Variants in LRRTM3 observed in about 807,000 individuals in gnomAD.
LRRTM3 encodes leucine rich repeat transmembrane neuronal 3.
Under a neutral mutation model 44.7 loss-of-function variants are expected in LRRTM3, and 24 were observed. The observed-to-expected ratio is 0.54, with a 90% confidence interval of 0.39 to 0.76. The LOEUF (loss-of-function observed/expected upper bound fraction) is 0.76. LRRTM3 is among the 30% of genes least tolerant of loss of function. The probability of loss-of-function intolerance (pLI) is 0.00; values close to 1 mark genes in which losing one functional copy is unlikely to be tolerated. For synonymous variants in LRRTM3, 277 were observed against 278.7 expected, an observed-to-expected ratio of 0.99 and a Z score of 0.06; for missense variants, 587 against 702.2, an observed-to-expected ratio of 0.84 and a Z score of 1.85.
intron 2 of LRRTM3, among the ~76,000 whole-genome samples, chr10:67,077,263 T>C (rs1347366665): frequency 2.0e-5 from 3 of 152,228 alleles, no homozygotes; most frequent in Non-Finnish European, 4.4e-5. Context: ...AATGAACTTT[T>C]GTCAATGCAA....
intron 2 of LRRTM3, among the ~76,000 whole-genome samples, chr10:66,955,813 C>A (rs1848759670): frequency 6.6e-6 from 1 of 152,118 alleles, no homozygotes. Context: ...AGTATTTCTG[C>A]CTTCACAGAT....
rs535051946 is a variant in LRRTM3, at chr10:66,993,938, G to A, written c.1536+65486G>A. Among the ~76,000 whole-genome samples, 4 of 152,222 alleles carry A rather than the reference G, an allele frequency of 2.6e-5. 1 individual carries two copies. The South Asian group carries it at 8.3e-4, about 32-fold the overall frequency. ...TTTAGACTAAGCTCTTTGGGCAAAT[G>A]TTTTAACTTTTTGTCTTCTGATAGC... On this transcript the variant is annotated intron_variant, in intron 2 of 2. Transcript: ENST00000361320.
Position 67,098,583 on chromosome 10 carries a change from A to T in LRRTM3, c.*787A>T, listed in dbSNP as rs1481728012. On this transcript the variant is annotated 3_prime_UTR_variant, in exon 3 of 3. Coordinates refer to ENST00000361320, the MANE Select transcript of LRRTM3 (RefSeq NM_178011.5). ...GAGGGATATTTTAACATATTTCCGA[A>T]TGAATGACTCATTATTTCATTCTTT... 1.3e-5 allele frequency: 2 copies of T among 152,344 alleles called. No individual in the cohort carries two copies. The highest frequency in any genetic ancestry group is 4.8e-5 in the African/African-American group (2 of 41,404). 9.4% of individuals were successfully genotyped at this position (152,344 alleles called of 1,614,324 possible). A position where few individuals can be genotyped will look rare whatever the true frequency, so the allele number is the denominator to read the frequency against.
intron 2 of LRRTM3, among the ~76,000 whole-genome samples, chr10:66,993,068 C>T (rs1238823055): frequency 6.6e-6 from 1 of 152,068 alleles, no homozygotes; most frequent in African/African-American, 2.4e-5. Flanking sequence ...TTCCGTTTCC[C>T]ATGGTATCAG....
chr10:67,070,057 A>T (rs751066790), intron 2 of LRRTM3, among the ~76,000 whole-genome samples: 7 of 152,196 alleles, frequency 4.6e-5, no homozygotes, highest in Non-Finnish European at 1.0e-4. Flanking sequence ...GTTGACCAAC[A>T]CATATTTTCT....
In LRRTM3 at chr10:66,927,147, G is replaced by C. The variant is rs777864886; in HGVS notation, c.231G>C (p.Lys77Asn). 96 of 1,613,936 alleles carry C rather than the reference G, an allele frequency of 5.9e-5. No homozygotes were observed. The highest frequency in any genetic ancestry group is 8.0e-5 in the Non-Finnish European group (94 of 1,179,998). Residue 77 changes from lysine (K) to asparagine (N), a missense_variant, in exon 2 of 3, where the codon AAG (lysine) becomes AAC (asparagine). Around this residue, in one of 3 missense-constraint regions of LRRTM3, gnomAD observed 222 missense variants for 323.3 expected, o/e 0.69. Coordinates refer to ENST00000361320, the MANE Select transcript of LRRTM3 (RefSeq NM_178011.5). This position sits in a 1 kb window ranked among gnomAD's most constrained non-coding sequence, Gnocchi z 4.7. The stretch of plus-strand genomic sequence containing the variant: ...GCTATAACAGCCTTCAAAAACTTAA[G>C]TATAATCAATTTAAAGGGCTCAACC... ...SLRYNSLQKLKYNQFKGLNQL... is the reference protein window; with the variant it reads ...SLRYNSLQKLNYNQFKGLNQL...
chr10:67,100,285 GC>G lies in LRRTM3; in HGVS notation c.*2492del, dbSNP rs1338818057. On this transcript the variant is annotated 3_prime_UTR_variant, in exon 3 of 3. Coordinates refer to ENST00000361320, the MANE Select transcript of LRRTM3 (RefSeq NM_178011.5). ...GGAACCACAGCTCTGTGCAACCAAG[GC>G]CCTAAGCTACACCAAATACGCCAGG... Among the ~76,000 whole-genome samples the G allele has an allele frequency of 6.6e-6, 1 of 151,556 alleles. No homozygotes were observed. Among genetic ancestry groups the G allele is most frequent in the Non-Finnish European group, 1.5e-5 (1 of 67,762 alleles).
intron 2 of LRRTM3, among the ~76,000 whole-genome samples, chr10:67,041,174 G>T (rs10997490): frequency 0.34 from 51,546 of 151,730 alleles, 9,303 homozygotes; most frequent in Middle Eastern, 0.55. Flanking sequence ...ATCATGTTCT[G>T]CCAGAGCAAA....
intron 2 of LRRTM3, among the ~76,000 whole-genome samples, chr10:66,988,999 T>TA (rs112498182): frequency 0.056 from 8,205 of 145,896 alleles, 441 homozygotes; most frequent in East Asian, 0.29. Context: ...TCCTCTCACT[T>TA]AAAAAAAAAA....
Position 66,926,463 on chromosome 10 carries a change from T to C in LRRTM3, c.-121T>C. ...TCGGTCCATCTCCCAAGGGGTCCAA[T>C]TTTTCTTCCTGGGTGTCAGCGAGCC... On this transcript the variant is annotated 5_prime_UTR_variant, in exon 1 of 3. Transcript: ENST00000361320. The C allele has an allele frequency of 8.6e-7, 1 of 1,169,218 alleles. No individual in the cohort carries two copies. 72.4% of individuals were successfully genotyped at this position (1,169,218 alleles called of 1,614,324 possible). A position where few individuals can be genotyped will look rare whatever the true frequency, so the allele number is the denominator to read the frequency against.
At chr10:67,059,620 A>G (rs1457044697) in intron 2 of LRRTM3, among the ~76,000 whole-genome samples, 1 of 152,182 alleles carries the variant, frequency 6.6e-6, no homozygotes, top group Non-Finnish European at 1.5e-5. Context: ...AAGTTGTCAT[A>G]GTCAGTTTGT....
chr10:66,943,745 C>T (rs1271355744), intron 2 of LRRTM3, among the ~76,000 whole-genome samples: 1 of 152,074 alleles, frequency 6.6e-6, no homozygotes, highest in Non-Finnish European at 1.5e-5. Context: ...TCCAGAACCC[C>T]ACCATAAAGT....
chr10:67,040,855 T>C (rs1206460804), intron 2 of LRRTM3, among the ~76,000 whole-genome samples: 1 of 152,142 alleles, frequency 6.6e-6, no homozygotes, highest in East Asian at 1.9e-4. Context: ...TAGCAAACTT[T>C]CATTGAACAA....
chr10:67,054,979 C>T (rs1205179010), intron 2 of LRRTM3: 1 of 151,704 alleles, frequency 6.6e-6, no homozygotes, highest in Non-Finnish European at 1.5e-5. Context: ...TAACTTTCCT[C>T]CAAAAATCTT....
At chr10:67,061,050 A>G (rs1564863285) in intron 2 of LRRTM3, among the ~76,000 whole-genome samples, 1 of 152,150 alleles carries the variant, frequency 6.6e-6, no homozygotes, top group Non-Finnish European at 1.5e-5. Context: ...ATTTTAATAC[A>G]CTTGAAATAA....
chr10:66,958,468 T>G, intron 2 of LRRTM3, among the ~76,000 whole-genome samples: 1 of 151,992 alleles, frequency 6.6e-6, no homozygotes, highest in Admixed American at 6.6e-5. Context: ...AGCTTTTTTT[T>G]TTAAAAAAAA....
At chr10:67,093,242 C>T (rs975596235) in intron 2 of LRRTM3, among the ~76,000 whole-genome samples, 10 of 151,870 alleles carry the variant, frequency 6.6e-5, no homozygotes, top group Non-Finnish European at 1.3e-4. Flanking sequence ...TTGCCCTTCC[C>T]TGAGCCTATT....
intron 2 of LRRTM3, among the ~76,000 whole-genome samples, chr10:66,986,886 A>C (rs1289522579): frequency 6.6e-6 from 1 of 152,202 alleles, no homozygotes; most frequent in East Asian, 1.9e-4. Flanking sequence ...CTGTGAATAC[A>C]GAAGTGCACC....
At chr10:66,961,625 G>A (rs1849113009) in intron 2 of LRRTM3, among the ~76,000 whole-genome samples, 1 of 151,920 alleles carries the variant, frequency 6.6e-6, no homozygotes, top group South Asian at 2.1e-4. Flanking sequence ...TACTGATATA[G>A]ACAAATCAAG....
Sources: gnomAD v4.1 joint callset for allele counts (sites outside exome capture counted in the v4.1 genomes callset) on GRCh38, gnomAD v4.1.1 for gene constraint, gnomAD v4.1.1 regional missense constraint, Gnocchi (gnomAD v3.1) non-coding constraint, MANE v1.5 for transcripts, NCBI Gene and HGNC (gene_info 2026-07-23, HGNC 2026-07-21) for gene names.